BCKDHB: variants seen among roughly 807,000 people sequenced by gnomAD.
The protein encoded by BCKDHB is branched chain keto acid dehydrogenase E1 subunit beta, also known as 2-oxoisovalerate dehydrogenase subunit beta, mitochondrial.
A neutral mutation model predicts 48.5 loss-of-function variants in BCKDHB; 41 were observed. That is an observed-to-expected ratio of 0.85 (90% CI 0.66 to 1.10). The LOEUF (loss-of-function observed/expected upper bound fraction) is 1.10. BCKDHB is among the 50% of genes least tolerant of loss of function. BCKDHB has a pLI of 0.00. For synonymous variants in BCKDHB, 201 were observed against 174.8 expected, an observed-to-expected ratio of 1.15 and a Z score of -1.18; for missense variants, 496 against 494.2, an observed-to-expected ratio of 1.00 and a Z score of -0.03.
At chr6:80,107,850 C>G (rs895377005) in intron 1 of BCKDHB, among the ~76,000 whole-genome samples, 7 of 152,072 alleles carry the variant, frequency 4.6e-5, no homozygotes, top group African/African-American at 1.7e-4. Flanking sequence ...TGTAATGTCT[C>G]TCATCAGAAT....
the BCKDHB span, among the ~76,000 whole-genome samples, chr6:80,373,087 T>C: frequency 3.9e-5 from 6 of 152,242 alleles, no homozygotes; most frequent in Admixed American, 3.3e-4. Context: ...CTGGAATTTT[T>C]TTTGTTTGGT....
chr6:80,259,620 TA>T (rs1777205411), intron 8 of BCKDHB, among the ~76,000 whole-genome samples: 1 of 152,204 alleles, frequency 6.6e-6, no homozygotes, highest in South Asian at 2.1e-4. Context: ...AATGATTTCT[TA>T]AGTTATTTGG....
At chr6:80,241,000 T>G (rs4473823) in intron 8 of BCKDHB, among the ~76,000 whole-genome samples, 2,433 of 152,260 alleles carry the variant, frequency 0.016, 46 homozygotes, top group Non-Finnish European at 0.024. Context: ...TTCATTCATC[T>G]GATCTTCAAT....
the BCKDHB span, among the ~76,000 whole-genome samples, chr6:80,408,642 A>G: frequency 2.1e-3 from 324 of 152,010 alleles, no homozygotes; most frequent in Middle Eastern, 0.014. Flanking sequence ...GGTTATTTGC[A>G]TAGAGGTGTT....
chr6:80,337,181 T>C (rs993612022), intron 9 of BCKDHB, among the ~76,000 whole-genome samples: 7 of 152,134 alleles, frequency 4.6e-5, no homozygotes, highest in Non-Finnish European at 8.8e-5. Context: ...GTTTTGACTA[T>C]GGGCAAATGT....
At chr6:80,330,175 A>G (rs186629774) in intron 9 of BCKDHB, among the ~76,000 whole-genome samples, 3 of 152,184 alleles carry the variant, frequency 2.0e-5, no homozygotes, top group African/African-American at 7.2e-5. Flanking sequence ...TTGTGGAGAA[A>G]ATAGAGATAA....
intron 6 of BCKDHB, among the ~76,000 whole-genome samples, chr6:80,200,022 C>G (rs1436093469): frequency 7.1e-6 from 1 of 140,096 alleles, no homozygotes; most frequent in African/African-American, 2.8e-5. Context: ...GCAGATCACA[C>G]CACTGCACTC....
chr6:80,302,211 G>T (rs1351764923), intron 9 of BCKDHB, among the ~76,000 whole-genome samples: 2 of 151,910 alleles, frequency 1.3e-5, no homozygotes, highest in East Asian at 1.9e-4. Context: ...AATCAAACTG[G>T]CTCTCTTCAT....
chr6:80,249,867 G>C (rs1036891428), intron 8 of BCKDHB, among the ~76,000 whole-genome samples: 4 of 152,152 alleles, frequency 2.6e-5, no homozygotes, highest in Non-Finnish European at 2.9e-5. Context: ...AAATAACTCA[G>C]ATTTTAAAGA....
intron 9 of BCKDHB, 101 bp downstream of exon 9, chr6:80,273,322 T>G: frequency 9.6e-7 from 1 of 1,045,474 alleles, no homozygotes; most frequent in Non-Finnish European, 1.5e-6. Flanking sequence ...AGCATACACT[T>G]TATGGAAATG....
At chr6:80,312,302 C>T (rs1193888619) in intron 9 of BCKDHB, among the ~76,000 whole-genome samples, 2 of 152,184 alleles carry the variant, frequency 1.3e-5, no homozygotes, top group African/African-American at 2.4e-5. Context: ...GATGAAGCTG[C>T]TTATCAGCTT....
chr6:80,267,720 T>G, intron 8 of BCKDHB, among the ~76,000 whole-genome samples: 1 of 152,168 alleles, frequency 6.6e-6, no homozygotes, highest in South Asian at 2.1e-4. Flanking sequence ...AAAAGCAGTT[T>G]TCTTAGGTTC....
At chr6:80,407,524 T>G in the BCKDHB span, among the ~76,000 whole-genome samples, 3 of 152,246 alleles carry the variant, frequency 2.0e-5, no homozygotes, top group Admixed American at 6.5e-5. Context: ...GTGTCTTCTT[T>G]TATTTCATTG....
intron 8 of BCKDHB, among the ~76,000 whole-genome samples, chr6:80,233,960 G>A (rs1776039000): frequency 6.6e-6 from 1 of 152,168 alleles, no homozygotes; most frequent in African/African-American, 2.4e-5. Flanking sequence ...CTGGAGGGGT[G>A]GGAAATGGTT....
chr6:80,237,467 G>A (rs550908153), intron 8 of BCKDHB, among the ~76,000 whole-genome samples: 35 of 152,158 alleles, frequency 2.3e-4, no homozygotes, highest in Non-Finnish European at 1.5e-4. Context: ...CAGTGGTTGC[G>A]AAAAAATAAT....
chr6:80,201,017 G>A lies in BCKDHB; in HGVS notation c.826G>A (p.Ala276Thr). 6.2e-7 allele frequency: 1 copy of A among 1,610,378 alleles called. No homozygotes were observed. Among genetic ancestry groups the A allele is most frequent in the South Asian group, 1.1e-5 (1 of 91,004 alleles). ...GGAAGGGAGTGATGTTACTCTAGTT[G>A]CCTGGGGCACTCAGGTGAGTAGCAT... ...IQEGSDVTLV[A>T]WGTQVHVIRE... Residue 276 changes from alanine (A) to threonine (T), a missense_variant, in exon 7 of 10, where the codon GCC becomes ACC. Physicochemically the swap from Ala to Thr is moderately conservative, Grantham distance 58. Coordinates refer to ENST00000320393, the MANE Select transcript of BCKDHB (RefSeq NM_183050.4).
chr6:80,151,475 A>C (rs946294334), intron 3 of BCKDHB, among the ~76,000 whole-genome samples: 3 of 149,100 alleles, frequency 2.0e-5, no homozygotes, highest in Non-Finnish European at 4.5e-5. Flanking sequence ...TGGGGCTTTT[A>C]AACTGTATTG....
intron 1 of BCKDHB, among the ~76,000 whole-genome samples, chr6:80,114,833 A>T (rs1406631559): frequency 6.6e-6 from 1 of 152,178 alleles, no homozygotes; most frequent in East Asian, 1.9e-4. Context: ...GTTGGAGATA[A>T]CCATTTGGGA....
intron 9 of BCKDHB, among the ~76,000 whole-genome samples, chr6:80,336,974 A>T (rs1011620623): frequency 1.3e-5 from 2 of 152,110 alleles, no homozygotes; most frequent in African/African-American, 2.4e-5. Context: ...TTTTTCAAAC[A>T]TGATATGTAT....
Sources: gnomAD v4.1 joint callset for allele counts (sites outside exome capture counted in the v4.1 genomes callset) on GRCh38, gnomAD v4.1.1 for gene constraint, MANE v1.5 for transcripts, NCBI Gene and HGNC (gene_info 2026-07-23, HGNC 2026-07-21) for gene names.